Variants in GLDN observed in about 807,000 individuals in gnomAD.
GLDN encodes the protein collomin.
Under a neutral mutation model 56.5 loss-of-function variants are expected in GLDN, and 47 were observed. That is an observed-to-expected ratio of 0.83 (90% confidence interval 0.66 to 1.06). The LOEUF (loss-of-function observed/expected upper bound fraction) is 1.06. Among genes scored for constraint, GLDN ranks in the 50% least tolerant of loss-of-function variants. The pLI is 0.00. For missense variants in GLDN, 782 were observed against 714.3 expected (o/e 1.09, Z -1.08); for synonymous variants, 332 against 278.8 (o/e 1.19, Z -1.90).
chr15:51,368,292 G>A (rs577024126), intron 1 of GLDN, among the ~76,000 whole-genome samples: 1 of 152,244 alleles, frequency 6.6e-6, no homozygotes, highest in South Asian at 2.1e-4. Context: ...TAGTTGAGAA[G>A]TCAGCGTAAC....
At chr15:51,386,380 T>C (rs1054728904) in intron 4 of GLDN, among the ~76,000 whole-genome samples, 1 of 152,120 alleles carries the variant, frequency 6.6e-6, no homozygotes, top group African/African-American at 2.4e-5. Flanking sequence ...CATTGTCCTG[T>C]TCACACTGCT....
At chr15:51,412,011 A>C (rs2038470442), downstream of GLDN, among the ~76,000 whole-genome samples, 4 of 152,256 alleles carry the variant, frequency 2.6e-5, no homozygotes, top group South Asian at 8.3e-4. Context: ...GCTAGGAAAG[A>C]AATACTATGG....
intron 5 of GLDN, among the ~76,000 whole-genome samples, chr15:51,396,204 C>G (rs779355956): frequency 6.6e-6 from 1 of 152,216 alleles, no homozygotes; most frequent in Non-Finnish European, 1.5e-5. Context: ...GCCCCTGTTC[C>G]GTGGGATGGG....
At chr15:51,366,793 C>CT (rs2037411578) in intron 1 of GLDN, among the ~76,000 whole-genome samples, 1 of 151,990 alleles carries the variant, frequency 6.6e-6, no homozygotes. Flanking sequence ...TGACTGTGGT[C>CT]CCAGCCACTC....
chr15:51,383,533 G>A (rs952771208), intron 3 of GLDN, 80 bp downstream of exon 3: 32 of 1,530,980 alleles, frequency 2.1e-5, no homozygotes, highest in East Asian at 4.5e-5. Flanking sequence ...GGACAGATGC[G>A]GGGAGGGCAA....
At chr15:51,367,993 A>G (rs1452126879) in intron 1 of GLDN, among the ~76,000 whole-genome samples, 1 of 152,200 alleles carries the variant, frequency 6.6e-6, no homozygotes, top group Non-Finnish European at 1.5e-5. Flanking sequence ...TCTAGGGATT[A>G]TTGGAGTAGC....
At chr15:51,408,101 T>C (rs2038422755), downstream of GLDN, 1 of 152,238 alleles carries the variant, frequency 6.6e-6, no homozygotes, top group Admixed American at 6.5e-5. Flanking sequence ...AGAATTATAT[T>C]AGTTGCTCCT....
intron 4 of GLDN, among the ~76,000 whole-genome samples, chr15:51,392,896 A>C (rs1159350098): frequency 6.6e-6 from 1 of 152,146 alleles, no homozygotes; most frequent in African/African-American, 2.4e-5. Context: ...ATCCTTTCCA[A>C]TCTGTATGCC....
intron 1 of GLDN, among the ~76,000 whole-genome samples, chr15:51,349,753 T>TC (rs2141049031): frequency 6.6e-6 from 1 of 152,108 alleles, no homozygotes; most frequent in East Asian, 1.9e-4. Context: ...TTTTTTTTTT[T>TC]TTTTTAGACA....
intron 1 of GLDN, among the ~76,000 whole-genome samples, chr15:51,357,710 CA>C (rs2037213137): frequency 6.6e-6 from 1 of 152,208 alleles, no homozygotes; most frequent in Admixed American, 6.5e-5. Flanking sequence ...ATGGCACAGC[CA>C]GAAGCCTCTA....
chr15:51,348,010 T>C (rs114631777), intron 1 of GLDN, among the ~76,000 whole-genome samples: 1,699 of 152,338 alleles, frequency 0.011, 40 homozygotes, highest in African/African-American at 0.038. Context: ...CAAAAGTGCT[T>C]ACTTTTGGAG....
At chr15:51,402,042 G>A (rs963727646) in intron 9 of GLDN, among the ~76,000 whole-genome samples, 16 of 152,210 alleles carry the variant, frequency 1.1e-4, no homozygotes, top group Non-Finnish European at 1.9e-4. Flanking sequence ...TCCTCTGAGA[G>A]AGAAGCAGCC....
intron 6 of GLDN, among the ~76,000 whole-genome samples, chr15:51,399,474 G>T (rs1222553731): frequency 1.3e-5 from 2 of 152,112 alleles, no homozygotes; most frequent in African/African-American, 4.8e-5. Context: ...TTCACCAAAG[G>T]TCTAAATTCA....
intron 2 of GLDN, 151 bp from the exon 3 acceptor site, chr15:51,383,285 G>T (rs1329843782): frequency 5.0e-6 from 4 of 802,968 alleles, no homozygotes; most frequent in Non-Finnish European, 8.2e-6. Context: ...GCTTTAAAGG[G>T]TCTTTTGGCC....
intron 4 of GLDN, among the ~76,000 whole-genome samples, chr15:51,393,158 C>G (rs752528012): frequency 1.4e-4 from 21 of 152,262 alleles, no homozygotes; most frequent in Non-Finnish European, 2.9e-4. Context: ...AATGCCTTTT[C>G]TATATCATTG....
chr15:51,361,551 T>C (rs1162076309), intron 1 of GLDN, among the ~76,000 whole-genome samples: 1 of 152,130 alleles, frequency 6.6e-6, no homozygotes, highest in African/African-American at 2.4e-5. Flanking sequence ...AAGACTGACT[T>C]AGAGAACTGC....
intron 1 of GLDN, among the ~76,000 whole-genome samples, chr15:51,348,811 T>A (rs2037025072): frequency 6.6e-6 from 1 of 152,220 alleles, no homozygotes. Context: ...CAATCATGCA[T>A]TTGCAGAAGT....
rs757433941 is a variant in GLDN, at chr15:51,371,705, T to C, written c.364-5744T>C. On this transcript the variant is annotated intron_variant, in intron 1 of 9. Transcript: ENST00000335449. ...TAAGAAAAGAATTTTTTTTTCAAGATGGAGTCTCACTCTGTCACCCAGGCT... is the reference window on the plus strand; with the variant it reads ...TAAGAAAAGAATTTTTTTTTCAAGACGGAGTCTCACTCTGTCACCCAGGCT... 5.9e-5 allele frequency among the ~76,000 whole-genome samples: 9 copies of C among 152,132 alleles called. 1 individual carries two copies. The highest frequency in any genetic ancestry group is 6.3e-3 in the Middle Eastern group (2 of 316).
chr15:51,384,081 C>T (rs1323005989), intron 4 of GLDN, 189 bp downstream of exon 4: 1 of 644,884 alleles, frequency 1.6e-6, no homozygotes, highest in African/African-American at 1.8e-5. Flanking sequence ...CCCACCTTGA[C>T]AGATGTTTAT....
Sources: gnomAD v4.1 joint callset for allele counts (sites outside exome capture counted in the v4.1 genomes callset) on GRCh38, gnomAD v4.1.1 for gene constraint, MANE v1.5 for transcripts, NCBI Gene and HGNC (gene_info 2026-07-23, HGNC 2026-07-21) for gene names.